The following VIRMA variants were observed in gnomAD, a reference collection of about 807,000 sequenced individuals.
The protein encoded by VIRMA is vir like m6A methyltransferase associated, also known as protein virilizer homolog.
In VIRMA, 65 loss-of-function variants were observed where a neutral mutation model predicts 182.4. The observed-to-expected ratio is 0.36, with a 90% CI of 0.29 to 0.44. VIRMA has a LOEUF of 0.44. VIRMA is among the 20% of genes least tolerant of loss of function. VIRMA has a pLI of 1.00. For missense variants in VIRMA, 1,752 were observed against 2,158.1 expected (o/e 0.81, Z 3.73); for synonymous variants, 709 against 743.1 (o/e 0.95, Z 0.75).
At chr8:94,510,370 G>C (rs751692276) in intron 14 of VIRMA, 47 bp downstream of exon 14, 1 of 1,471,646 alleles carries the variant, frequency 6.8e-7, no homozygotes, top group East Asian at 2.4e-5. Context: ...AAATATATGT[G>C]TCAAAAATAA....
intron 4 of VIRMA, among the ~76,000 whole-genome samples, chr8:94,535,750 C>G (rs574973927): frequency 2.0e-3 from 308 of 150,798 alleles, no homozygotes; most frequent in Admixed American, 5.5e-3. Context: ...ACTGCACACT[C>G]TAGCCTGGGC....
At chr8:94,510,674 T>C (rs1439950590) in intron 13 of VIRMA, 22 bp from the exon 14 acceptor site, 2 of 1,517,830 alleles carry the variant, frequency 1.3e-6, no homozygotes, top group Non-Finnish European at 1.8e-6. Flanking sequence ...GTATAATGTG[T>C]GTGTACGTAG....
chr8:94,495,556 T>C (rs1241162324), intron 19 of VIRMA, among the ~76,000 whole-genome samples, 175 bp downstream of exon 19: 1 of 109,544 alleles, frequency 9.1e-6, no homozygotes, highest in African/African-American at 3.3e-5. Flanking sequence ...TTTGTATAAA[T>C]TAAAAAAAAA....
At chr8:94,507,900 T>C (rs1383259443) in intron 15 of VIRMA, among the ~76,000 whole-genome samples, 1 of 149,140 alleles carries the variant, frequency 6.7e-6, no homozygotes, top group Non-Finnish European at 1.5e-5. Flanking sequence ...TATGTATATA[T>C]ATGTATATAT....
At chr8:94,499,538 A>C in intron 16 of VIRMA, 32 bp from the exon 17 acceptor site, 1 of 1,325,556 alleles carries the variant, frequency 7.5e-7, no homozygotes, top group Non-Finnish European at 1.1e-6. Context: ...AGAAGATATT[A>C]TCTTAAAATA....
At chr8:94,526,202 C>A in intron 8 of VIRMA, 21 bp downstream of exon 8, 1 of 1,532,790 alleles carries the variant, frequency 6.5e-7, no homozygotes, top group Non-Finnish European at 8.8e-7. Flanking sequence ...ATTTATTTCC[C>A]AAAAGGCAAA....
intron 20 of VIRMA, 25 bp downstream of exon 20, chr8:94,494,834 TC>T: frequency 8.0e-7 from 1 of 1,253,306 alleles, no homozygotes; most frequent in Non-Finnish European, 1.1e-6. Flanking sequence ...ATAACGTTTT[TC>T]TAAATATTTA....
chr8:94,490,120 C>A (rs1813563155), intron 22 of VIRMA, 38 bp from the exon 23 acceptor site: 2 of 1,573,892 alleles, frequency 1.3e-6, no homozygotes, highest in Non-Finnish European at 1.7e-6. Flanking sequence ...ACTTTTTTCA[C>A]AACTTCAGTT....
chr8:94,537,827 A>G (rs1586106915), intron 3 of VIRMA, among the ~76,000 whole-genome samples: 2 of 152,166 alleles, frequency 1.3e-5, no homozygotes, highest in Admixed American at 1.3e-4. Context: ...TAAATAATCA[A>G]AAAAGGGGGT....
At chr8:94,543,685 A>G in intron 2 of VIRMA, 142 bp downstream of exon 2, 1 of 552,212 alleles carries the variant, frequency 1.8e-6, no homozygotes. Flanking sequence ...ATATAGAGCC[A>G]ATTACAATGC....
chr8:94,553,403 A>C lies in VIRMA; in HGVS notation c.45T>G (p.Phe15Leu). The change falls in exon 1 of 24, where the codon TTT becomes TTG. Residue 15 changes from phenylalanine (F) to leucine (L), a missense_variant. Coordinates refer to ENST00000297591, the MANE Select transcript of VIRMA (RefSeq NM_015496.5). The stretch of plus-strand genomic sequence containing the variant: ...GCCTTACCTCAGCGCTCGGGTGTTT[A>C]AAAGTATCTAAAAATAACAGCTCCA... ...SAMELLFLDT[F>L]KHPSAEQSSH... 6.2e-7 allele frequency: 1 copy of C among 1,614,228 alleles called. No individual in the cohort carries two copies.
chr8:94,526,010 GA>G (rs2130346610), intron 8 of VIRMA, among the ~76,000 whole-genome samples: 1 of 152,218 alleles, frequency 6.6e-6, no homozygotes, highest in East Asian at 1.9e-4. Context: ...ATCTTTCACT[GA>G]AGTTCCCATT....
intron 1 of VIRMA, among the ~76,000 whole-genome samples, chr8:94,548,801 G>A (rs1030095709): frequency 1.3e-5 from 2 of 152,058 alleles, no homozygotes; most frequent in African/African-American, 2.4e-5. Context: ...GACTACAGGC[G>A]CATACCATCA....
chr8:94,524,809 T>C (rs1052711073), intron 8 of VIRMA, among the ~76,000 whole-genome samples: 2 of 152,256 alleles, frequency 1.3e-5, no homozygotes, highest in African/African-American at 4.8e-5. Context: ...TTGCAATCTA[T>C]GTTACAAAAT....
chr8:94,494,963 C>A lies in VIRMA; in HGVS notation c.4545-7G>T. On this transcript the variant is annotated splice_region_variant and splice_polypyrimidine_tract_variant and intron_variant, in intron 19 of 23. Coordinates refer to ENST00000297591, the MANE Select transcript of VIRMA (RefSeq NM_015496.5). ...AGCAAGCACATAGGCAGTCCTGGAA[C>A]AAGAAAAGTATCTGGTGAAAAGCAG... 6.4e-7 allele frequency: 1 copy of A among 1,562,658 alleles called. No individual in the cohort carries two copies. Among genetic ancestry groups the A allele is most frequent in the Admixed American group, 1.7e-5 (1 of 57,224 alleles).
In VIRMA at chr8:94,511,545, G is replaced by C. The variant is rs201515455; in HGVS notation, c.3030C>G (p.Leu1010=). The C allele has an allele frequency of 1.2e-6, 2 of 1,614,052 alleles. No homozygotes were observed. The highest frequency in any genetic ancestry group is 1.7e-5 in the Admixed American group (1 of 60,000). ...CCGTTAACATAGTTTTAAGAAGAGT[G>C]AGTGTGCAGCGAGCCATTGAAATAG... The part of the protein sequence containing the change: ...VTTISMARCT[L]TLLKTMLTEL... The change falls in exon 13 of 24, where the codon CTC becomes CTG. Residue 1010 remains leucine (L), a synonymous_variant. Transcript: ENST00000297591.
At chr8:94,505,336 G>A (rs190658776) in intron 16 of VIRMA, among the ~76,000 whole-genome samples, 14 of 152,280 alleles carry the variant, frequency 9.2e-5, no homozygotes, top group African/African-American at 3.4e-4. Context: ...ATAATCCCAT[G>A]TAGTTTAATA....
chr8:94,538,111 C>A, intron 3 of VIRMA, 149 bp downstream of exon 3: 1 of 612,512 alleles, frequency 1.6e-6, no homozygotes, highest in Non-Finnish European at 2.9e-6. Flanking sequence ...AGGAGTTTGA[C>A]ATTTCTTTAA....
chr8:94,501,255 C>CAAAAAAA (rs55726504), intron 16 of VIRMA, among the ~76,000 whole-genome samples: 11 of 72,834 alleles, frequency 1.5e-4, no homozygotes, highest in Admixed American at 1.6e-4. Context: ...GATTCCATCT[C>CAAAAAAA]AAAAAAAAAA....
Sources: allele counts gnomAD v4.1 joint callset (sites outside exome capture counted in the v4.1 genomes callset), GRCh38; gene constraint gnomAD v4.1.1; transcripts MANE v1.5; gene names NCBI Gene and HGNC (gene_info 2026-07-23, HGNC 2026-07-21).